The following PLA2G4F variants were observed in gnomAD, a reference collection of about 807,000 sequenced individuals.
The protein encoded by PLA2G4F is cytosolic phospholipase A2 zeta.
PLA2G4F carries 105 observed loss-of-function variants against 103.1 expected under a neutral mutation model. That is an observed-to-expected ratio of 1.02 (90% confidence interval 0.87 to 1.20). The LOEUF is 1.20. Among genes scored for constraint, PLA2G4F ranks in the 50% most tolerant of loss-of-function variants. PLA2G4F has a pLI of 0.00. For missense variants in PLA2G4F, 1,155 were observed against 1,075.9 expected, an observed-to-expected ratio of 1.07 and a Z score of -1.03; for synonymous variants, 468 against 441.1, an observed-to-expected ratio of 1.06 and a Z score of -0.76.
Position 42,141,822 on chromosome 15 carries a change from G to A in PLA2G4F, c.*162C>T. The A allele has an allele frequency of 1.4e-6, 1 of 698,086 alleles. No individual in the cohort carries two copies. Among genetic ancestry groups the A allele is most frequent in the South Asian group, 1.8e-5 (1 of 54,188 alleles). 43.2% of individuals were successfully genotyped at this position (698,086 alleles called of 1,614,324 possible). A position where few individuals can be genotyped will look rare whatever the true frequency, so the allele number is the denominator to read the frequency against. ...GGAGAGCCCTGCCCCAGTCCAAGCT[G>A]CAATTCTGCAAGAGCTTTCCGGGGC... is the stretch of plus-strand genomic sequence containing the variant. On this transcript the variant is annotated 3_prime_UTR_variant, in exon 20 of 20. Transcript: ENST00000397272.
chr15:42,153,231 T>C, intron 6 of PLA2G4F, 69 bp downstream of exon 6: 1 of 1,510,184 alleles, frequency 6.6e-7, no homozygotes, highest in Non-Finnish European at 9.0e-7. Flanking sequence ...CTGGGCCTGA[T>C]GGGCCCTGTC....
intron 1 of PLA2G4F, 113 bp from the exon 2 acceptor site, chr15:42,155,702 C>G: frequency 9.4e-7 from 1 of 1,062,544 alleles, no homozygotes; most frequent in South Asian, 1.4e-5. Flanking sequence ...TCACTGACGT[C>G]TCTGTGCCGG....
At chr15:42,142,269 C>CAGTT in intron 19 of PLA2G4F, 65 bp from the exon 20 acceptor site, 2 of 1,456,630 alleles carry the variant, frequency 1.4e-6, no homozygotes, top group Non-Finnish European at 1.9e-6. Flanking sequence ...CTGGAACAGC[C>CAGTT]CAGAAGTCTT....
chr15:42,156,459 G>C lies in PLA2G4F; in HGVS notation c.91C>G (p.Pro31Ala). Residue 31 changes from proline to alanine, a missense_variant, in exon 1 of 20, where the codon CCT (proline) becomes GCT (alanine). Pro to Ala is a conservative substitution (Grantham distance 27). Around this residue, in one of 3 missense-constraint regions of PLA2G4F, gnomAD observed 370 missense variants for 364.9 expected, o/e 1.01. Transcript: ENST00000397272. The stretch of plus-strand genomic sequence containing the variant: ...GTTACCCGCCAGTGCCTCCACAGAG[G>C]GCCCCTCTTCTCTCTCTTCTGAAGC... ...VLLQKREKRG[P>A]LWRHWRRETY... The C allele has an allele frequency of 6.4e-7, 1 of 1,563,746 alleles. No homozygotes were observed. Among genetic ancestry groups the C allele is most frequent in the Non-Finnish European group, 8.7e-7 (1 of 1,153,046 alleles).
In PLA2G4F at chr15:42,152,694, C is replaced by G; in HGVS notation, c.595G>C (p.Glu199Gln). ...LRGDGTAPRE[E>Q]YGSRQLQLAV... ...GGCCGCTGAGCAGACTCACCGTACT[C>G]TTCCCGTGGGGCTGTCCCATCTCCC... is the stretch of plus-strand genomic sequence containing the variant. Residue 199 changes from glutamate to glutamine, a missense_variant, in exon 7 of 20, where the codon GAG (glutamate) becomes CAG (glutamine). By Grantham distance (29) the Glu-to-Gln change is conservative. Around this residue, in one of 3 missense-constraint regions of PLA2G4F, gnomAD observed 370 missense variants for 364.9 expected, o/e 1.01. Coordinates refer to ENST00000397272, the MANE Select transcript of PLA2G4F (RefSeq NM_213600.4). 6.4e-7 allele frequency: 1 copy of G among 1,555,988 alleles called. No homozygotes were observed. The highest frequency in any genetic ancestry group is 1.7e-4 in the Middle Eastern group (1 of 5,994).
chr15:42,147,664 G>A lies in PLA2G4F; in HGVS notation c.1158C>T (p.Asp386=). 1 of 1,614,106 alleles carries A rather than the reference G, an allele frequency of 6.2e-7. No homozygotes were observed. Among genetic ancestry groups the A allele is most frequent in the Non-Finnish European group, 8.5e-7 (1 of 1,180,012 alleles). The change falls in exon 12 of 20, where the codon GAC becomes GAT. Residue 386 remains aspartate, a synonymous_variant. Coordinates refer to ENST00000397272, the MANE Select transcript of PLA2G4F (RefSeq NM_213600.4). ...AGACCCCACTCAGGTAGGTCACAGTGTCTAGAAGGCCGAGCTCCTGCAACC... is the reference window on the plus strand; with the variant it reads ...AGACCCCACTCAGGTAGGTCACAGTATCTAGAAGGCCGAGCTCCTGCAACC... ...LAGLQELGLL[D]TVTYLSGVSG... is the part of the protein sequence containing the mutation.
At position 42,144,544 on chromosome 15, in the gene PLA2G4F, G is replaced by A; in HGVS notation, c.1881C>T (p.Thr627=). 6.2e-7 allele frequency: 1 copy of A among 1,613,008 alleles called. No homozygotes were observed. The highest frequency in any genetic ancestry group is 8.5e-7 in the Non-Finnish European group (1 of 1,180,026). ...PFSQAVLDIF[T]SRFTSAQSFN... is the part of the protein sequence containing the mutation. ...AGCTCTGGGCGGAAGTGAAGCGGGA[G>A]GTGAATATGTCCAGCACAGCCTGGG... is the stretch of plus-strand genomic sequence containing the variant. The change falls in exon 17 of 20, where the codon ACC becomes ACT. Residue 627 remains threonine, a synonymous_variant. Coordinates refer to ENST00000397272, the MANE Select transcript of PLA2G4F (RefSeq NM_213600.4).
rs371894529 is a variant in PLA2G4F at position 42,156,399 on chromosome 15, C to T, written c.111+40G>A. ...ACAGGGCACTGCAGCTCCCAGGACT[C>T]CCCCAGTCCGGGTTTCCCAGGTAAT... On this transcript the variant is annotated intron_variant, in intron 1 of 19. Coordinates refer to ENST00000397272, the MANE Select transcript of PLA2G4F (RefSeq NM_213600.4). The T allele has an allele frequency of 3.1e-5, 47 of 1,514,852 alleles. No homozygotes were observed. In the African/African-American group the frequency reaches 5.9e-4, roughly 19 times the overall value. The allele number at this position is 1,514,852 out of a possible 1,614,324, so 93.8% of individuals were successfully genotyped here.
At position 42,155,506 on chromosome 15, in the gene PLA2G4F, GGGTCACTCACGCA is replaced by G; in HGVS notation, c.182_184+10del. ...AAGGACAGAGAGAAGGATGGAGATG[GGGTCACTCACGCA>G]GGTCTGTGCCCCGGATGTTTGTGGC... On this transcript the variant is annotated splice_donor_variant and splice_donor_5th_base_variant and coding_sequence_variant and intron_variant, in exon 2 of 20. Coordinates refer to ENST00000397272, the MANE Select transcript of PLA2G4F (RefSeq NM_213600.4). LOFTEE classifies it high-confidence loss of function. The G allele has an allele frequency of 6.2e-7, 1 of 1,613,704 alleles. No individual in the cohort carries two copies. Among genetic ancestry groups the G allele is most frequent in the Non-Finnish European group, 8.5e-7 (1 of 1,179,608 alleles).
rs1336608279 is a variant in PLA2G4F, at chr15:42,140,398, T to C, written c.*1586A>G. On this transcript the variant is annotated 3_prime_UTR_variant, in exon 20 of 20. Coordinates refer to ENST00000397272, the MANE Select transcript of PLA2G4F (RefSeq NM_213600.4). ...CTATGAAGGTTTTACTAACAAGTTA[T>C]TGATGACGGCAGGCACAGCAGTGTT... is the stretch of plus-strand genomic sequence containing the variant. 1.3e-5 allele frequency: 2 copies of C among 152,252 alleles called. No homozygotes were observed. Among genetic ancestry groups the C allele is most frequent in the East Asian group, 1.9e-4 (1 of 5,188 alleles). The allele number at this position is 152,252 out of a possible 1,614,324, so 9.4% of individuals were successfully genotyped here. A position where few individuals can be genotyped will look rare whatever the true frequency, so the allele number is the denominator to read the frequency against.
At chr15:42,153,944 G>T in intron 4 of PLA2G4F, 148 bp downstream of exon 4, 1 of 1,266,982 alleles carries the variant, frequency 7.9e-7, no homozygotes, top group East Asian at 2.4e-5. Flanking sequence ...ATGTATTAGA[G>T]GGAGACCTTT....
intron 18 of PLA2G4F, among the ~76,000 whole-genome samples, 174 bp downstream of exon 18, chr15:42,143,804 C>T (rs649526): frequency 0.36 from 54,253 of 152,020 alleles, 10,839 homozygotes; most frequent in East Asian, 0.65. Context: ...CTGCCAACAG[C>T]GTTCAGAAGG....
chr15:42,144,243 TTCTC>T, intron 17 of PLA2G4F, 99 bp from the exon 18 acceptor site: 4 of 1,455,584 alleles, frequency 2.7e-6, no homozygotes, highest in Non-Finnish European at 3.7e-6. Context: ...CTCTGTAGAG[TTCTC>T]TCTGACAGCC....
chr15:42,142,585 G>C lies in PLA2G4F; in HGVS notation c.2272C>G (p.Pro758Ala). The C allele has an allele frequency of 6.2e-7, 1 of 1,614,104 alleles. No homozygotes were observed. The highest frequency in any genetic ancestry group is 8.5e-7 in the Non-Finnish European group (1 of 1,179,992). ...ACCAGGGGGAAGTGCAGCACAATGG[G>C]GGAGCGGGGGTCCTCAGCCTTGGCA... Reference protein sequence around the residue: ...LFAKAEDPRSPIVLHFPLVNR... With the variant: ...LFAKAEDPRSAIVLHFPLVNR... Residue 758 changes from proline to alanine, a missense_variant, in exon 19 of 20, where the codon CCC (proline) becomes GCC (alanine). Transcript: ENST00000397272.
rs1566875989 is a variant in PLA2G4F, at chr15:42,140,445, A to T, written c.*1539T>A. ...TGTTGATGACAATGGCCACAGCAGG[A>T]GCCAGATAAACTCCCAGATAAACCT... is the stretch of plus-strand genomic sequence containing the variant. On this transcript the variant is annotated 3_prime_UTR_variant, in exon 20 of 20. Transcript: ENST00000397272. 6.6e-6 allele frequency: 1 copy of T among 152,280 alleles called. No homozygotes were observed. Among genetic ancestry groups the T allele is most frequent in the Non-Finnish European group, 1.5e-5 (1 of 68,102 alleles). The allele number at this position is 152,280 out of a possible 1,614,324, so 9.4% of individuals were successfully genotyped here. A position where few individuals can be genotyped will look rare whatever the true frequency, so the allele number is the denominator to read the frequency against.
rs2048826128 is a variant in PLA2G4F, at chr15:42,141,468, C to T, written c.*516G>A. On this transcript the variant is annotated 3_prime_UTR_variant, in exon 20 of 20. Coordinates refer to ENST00000397272, the MANE Select transcript of PLA2G4F (RefSeq NM_213600.4). ...GTCAGCAACATAGGCTGGCCATCCC[C>T]TCAGCCCCTCATTGTTCTTGATAGC... 1 of 440,392 alleles carries T rather than the reference C, an allele frequency of 2.3e-6. No individual in the cohort carries two copies. Among genetic ancestry groups the T allele is most frequent in the African/African-American group, 2.0e-5 (1 of 49,880 alleles). The allele number at this position is 440,392 out of a possible 1,614,324, so 27.3% of individuals were successfully genotyped here.
chr15:42,142,310 C>G (rs574490524), intron 19 of PLA2G4F, 106 bp from the exon 20 acceptor site: 4 of 1,202,522 alleles, frequency 3.3e-6, no homozygotes, highest in Non-Finnish European at 4.6e-6. Flanking sequence ...TGGCTCCCTG[C>G]GGGCCCTGCT....
intron 19 of PLA2G4F, 42 bp downstream of exon 19, chr15:42,142,486 C>T: frequency 6.4e-7 from 1 of 1,568,264 alleles, no homozygotes; most frequent in Non-Finnish European, 8.7e-7. Flanking sequence ...ATCACCATCC[C>T]AGGGCTCTGT....
At position 42,146,234 on chromosome 15, in the gene PLA2G4F, G is replaced by A. The variant is rs771246414; in HGVS notation, c.1427C>T (p.Pro476Leu). Residue 476 changes from proline (P) to leucine (L), a missense_variant, in exon 14 of 20, where the codon CCT (proline) becomes CTT (leucine). By Grantham distance (98) the Pro-to-Leu change is moderately conservative. Coordinates refer to ENST00000397272, the MANE Select transcript of PLA2G4F (RefSeq NM_213600.4). ...VEYLLYQEEN[P>L]AKLSDQQEAV... is the part of the protein sequence containing the mutation. ...CTCCTGTTGGTCAGACAGCTTGGCA[G>A]GGTTCTCCTGGGCAGGAAAGAAGGG... The A allele has an allele frequency of 6.2e-7, 1 of 1,614,172 alleles. No individual in the cohort carries two copies. The highest frequency in any genetic ancestry group is 8.5e-7 in the Non-Finnish European group (1 of 1,179,986).
Sources: gnomAD v4.1 joint callset for allele counts (sites outside exome capture counted in the v4.1 genomes callset) on GRCh38, gnomAD v4.1.1 for gene constraint, gnomAD v4.1.1 regional missense constraint, MANE v1.5 for transcripts, NCBI Gene and HGNC (gene_info 2026-07-23, HGNC 2026-07-21) for gene names.